TENM2: variants seen among roughly 807,000 people sequenced by gnomAD.
TENM2 encodes teneurin transmembrane protein 2, also known as teneurin-2.
In TENM2, 52 loss-of-function variants were observed where a neutral mutation model predicts 245.2. The ratio of observed to expected loss-of-function variants is 0.21; its 90% CI spans 0.17 to 0.27. The LOEUF (loss-of-function observed/expected upper bound fraction) is 0.27, where lower values mean the gene tolerates loss of function less well. Ranked by LOEUF, TENM2 falls within the 10% of genes least tolerant of loss-of-function variation. TENM2 has a pLI of 1.00. For missense variants in TENM2, 3,046 were observed against 3,666.8 expected, an observed-to-expected ratio of 0.83 and a Z score of 4.37; for synonymous variants, 1,363 against 1,438.9, an observed-to-expected ratio of 0.95 and a Z score of 1.19.
chr5:167,838,125 A>G (rs1395949897), intron 2 of TENM2, among the ~76,000 whole-genome samples: 2 of 152,254 alleles, frequency 1.3e-5, no homozygotes, highest in African/African-American at 4.8e-5. Context: ...GACATAAAGC[A>G]ATGGCTGATA....
In TENM2 at chr5:167,929,068, A is replaced by G. The variant is rs914876179; in HGVS notation, c.713-23520A>G. Among the ~76,000 whole-genome samples, 94 of 13,504 alleles carry G rather than the reference A, an allele frequency of 7.0e-3. 1 individual carries two copies. Among genetic ancestry groups the G allele is most frequent in the Non-Finnish European group, 3.5e-3 (23 of 6,578 alleles). 8.9% of individuals were successfully genotyped at this position (13,504 alleles called of 152,430 possible). A position where few individuals can be genotyped will look rare whatever the true frequency, so the allele number is the denominator to read the frequency against. ...AAAAAAGAAAGAAAGAGAGAAAGAA[A>G]GAAAGAAAGAAAGAAAGAAAGAAAG... On this transcript the variant is annotated intron_variant, in intron 3 of 28. Transcript: ENST00000518659.
intron 2 of TENM2, among the ~76,000 whole-genome samples, chr5:167,750,757 A>G (rs1052396851): frequency 6.6e-6 from 1 of 152,124 alleles, no homozygotes. Flanking sequence ...ATTCAGCATT[A>G]CAGTGGTTTC....
At chr5:167,414,507 C>T (rs1763066779) in intron 2 of TENM2, among the ~76,000 whole-genome samples, 1 of 151,958 alleles carries the variant, frequency 6.6e-6, no homozygotes, top group Admixed American at 6.6e-5. Flanking sequence ...AAAGCTAACA[C>T]TCGGCAAGTG....
the TENM2 span, among the ~76,000 whole-genome samples, chr5:167,131,677 C>T: frequency 1.3e-5 from 2 of 152,064 alleles, no homozygotes; most frequent in Non-Finnish European, 2.9e-5. Context: ...CAAAATGTCA[C>T]CCCATTTTTA....
At chr5:167,156,231 A>C in the TENM2 span, among the ~76,000 whole-genome samples, 1 of 152,180 alleles carries the variant, frequency 6.6e-6, no homozygotes, top group African/African-American at 2.4e-5. Flanking sequence ...AGACTTTGGT[A>C]GGGTGCACAA....
intron 4 of TENM2, among the ~76,000 whole-genome samples, chr5:167,954,509 C>A (rs1780383941): frequency 6.6e-6 from 1 of 152,124 alleles, no homozygotes; most frequent in African/African-American, 2.4e-5. Context: ...GATACATGTG[C>A]AGAACGTGCA....
chr5:168,238,208 AGGGAGGGAG>A (rs1765706334), intron 25 of TENM2, among the ~76,000 whole-genome samples: 2 of 94,838 alleles, frequency 2.1e-5, no homozygotes, highest in African/African-American at 7.2e-5. Context: ...GGAGGGAGGG[AGGGAGGGAG>A]AGAGAAGAAA....
intron 1 of TENM2, among the ~76,000 whole-genome samples, chr5:167,341,557 T>C (rs1443624080): frequency 6.6e-6 from 1 of 152,128 alleles, no homozygotes; most frequent in East Asian, 1.9e-4. Flanking sequence ...TGTTAAATAA[T>C]TCATACAGAG....
At chr5:167,548,375 G>A (rs1772702107) in intron 2 of TENM2, among the ~76,000 whole-genome samples, 1 of 152,176 alleles carries the variant, frequency 6.6e-6, no homozygotes, top group Non-Finnish European at 1.5e-5. Flanking sequence ...GAGAAGGAAT[G>A]TGTGGTTGGT....
chr5:167,867,858 C>T (rs1046554428), intron 2 of TENM2, among the ~76,000 whole-genome samples: 5 of 152,162 alleles, frequency 3.3e-5, no homozygotes, highest in African/African-American at 1.2e-4. Flanking sequence ...GCTGAAACTT[C>T]CCCCAGTGAC....
chr5:167,068,599 G>A, the TENM2 span, among the ~76,000 whole-genome samples: 11 of 152,150 alleles, frequency 7.2e-5, no homozygotes, highest in Non-Finnish European at 1.3e-4. Flanking sequence ...TGCAGTGCAT[G>A]TCATTGCAGA....
At chr5:167,078,109 G>A in the TENM2 span, among the ~76,000 whole-genome samples, 1 of 151,942 alleles carries the variant, frequency 6.6e-6, no homozygotes, top group Non-Finnish European at 1.5e-5. Context: ...TAAGTCAAAG[G>A]ATTATAGTTA....
chr5:167,335,619 A>G (rs190103274), intron 1 of TENM2, among the ~76,000 whole-genome samples: 47 of 150,992 alleles, frequency 3.1e-4, no homozygotes, highest in Middle Eastern at 3.4e-3. Flanking sequence ...TTTTTTTTTT[A>G]ACTCCTTTGT....
rs372400840 is a variant in TENM2 at position 168,247,607 on chromosome 5, G to A, written c.6668G>A (p.Arg2223His). ...GCCGTCAATGACCGCCCGACCTGGC[G>A]CTACAGCTATGACCTTAATGGGAAT... Residue 2223 changes from arginine to histidine, a missense_variant, in exon 27 of 29, where the codon CGC (arginine) becomes CAC (histidine). This residue lies in a region of TENM2 where 2,704 missense variants were observed against 3,331.9 expected (regional missense o/e 0.81). Transcript: ENST00000518659. This position sits in a 1 kb window ranked among gnomAD's most constrained non-coding sequence, Gnocchi z 7.8. 3.5e-5 allele frequency: 57 copies of A among 1,613,200 alleles called. No homozygotes were observed. Among genetic ancestry groups the A allele is most frequent in the African/African-American group, 9.3e-5 (7 of 74,914 alleles).
intron 1 of TENM2, among the ~76,000 whole-genome samples, chr5:167,292,418 C>T (rs1274686071): frequency 6.6e-6 from 1 of 152,146 alleles, no homozygotes; most frequent in Non-Finnish European, 1.5e-5. Flanking sequence ...TTGATGTTTA[C>T]CACATCACAC....
chr5:167,002,406 C>A, the TENM2 span, among the ~76,000 whole-genome samples: 2 of 152,088 alleles, frequency 1.3e-5, no homozygotes, highest in African/African-American at 4.8e-5. Flanking sequence ...ACAGAGGAGA[C>A]CCTGTCTCCA....
At chr5:167,019,716 C>T in the TENM2 span, among the ~76,000 whole-genome samples, 7 of 152,004 alleles carry the variant, frequency 4.6e-5, no homozygotes, top group Admixed American at 1.3e-4. Context: ...GTGATCCGCT[C>T]GCCTCAGCCT....
intron 7 of TENM2, among the ~76,000 whole-genome samples, chr5:168,064,756 G>A (rs575476982): frequency 6.6e-6 from 1 of 152,306 alleles, no homozygotes; most frequent in African/African-American, 2.4e-5. Context: ...TTTCAGTCCA[G>A]CTGCCAGTTT....
chr5:168,105,535 A>C (rs1334459658), intron 9 of TENM2, among the ~76,000 whole-genome samples: 1 of 152,204 alleles, frequency 6.6e-6, no homozygotes, highest in Non-Finnish European at 1.5e-5. Flanking sequence ...CATCATGAAC[A>C]TTTGAAGTTT....
Sources: gnomAD v4.1 joint callset for allele counts (sites outside exome capture counted in the v4.1 genomes callset) on GRCh38, gnomAD v4.1.1 for gene constraint, gnomAD v4.1.1 regional missense constraint, Gnocchi (gnomAD v3.1) non-coding constraint, MANE v1.5 for transcripts, NCBI Gene and HGNC (gene_info 2026-07-23, HGNC 2026-07-21) for gene names.